Variants in MYO5C observed in about 807,000 individuals in gnomAD.
MYO5C encodes the protein unconventional myosin-Vc.
A neutral mutation model predicts 235.7 loss-of-function variants in MYO5C; 194 were observed. That is an observed-to-expected ratio of 0.82 (90% CI 0.73 to 0.93). The LOEUF is 0.93. Among genes scored for constraint, MYO5C ranks in the 40% least tolerant of loss-of-function variants. The probability of loss-of-function intolerance (pLI) is 0.00; values close to 1 mark genes in which losing one functional copy is unlikely to be tolerated. For synonymous variants in MYO5C, 707 were observed against 754.8 expected (o/e 0.94, Z 1.04); for missense variants, 2,038 against 2,127.2 (o/e 0.96, Z 0.82).
intron 4 of MYO5C, among the ~76,000 whole-genome samples, chr15:52,276,293 G>A (rs866158196): frequency 2.6e-5 from 4 of 152,136 alleles, no homozygotes; most frequent in African/African-American, 7.2e-5. Flanking sequence ...AAAGCAGCAC[G>A]GGGAAAAGGC....
rs760878731 is a variant in MYO5C, at chr15:52,245,445, T to C, written c.2087A>G (p.Tyr696Cys). ...YPSRWTYIEF[Y>C]SRYGILMTKQ... is the part of the protein sequence containing the mutation. Reference sequence around the variant, plus strand: ...GGTCATGAGAATGCCGTAGCGACTGTAGAACTCGATGTATGTCCACCTGGA... The same window carrying C: ...GGTCATGAGAATGCCGTAGCGACTGCAGAACTCGATGTATGTCCACCTGGA... Residue 696 changes from tyrosine to cysteine, a missense_variant, in exon 18 of 41, where the codon TAC (tyrosine) becomes TGC (cysteine). Physicochemically the swap from Tyr to Cys is radical, Grantham distance 194. Coordinates refer to ENST00000261839, the MANE Select transcript of MYO5C (RefSeq NM_018728.4). The C allele has an allele frequency of 3.1e-6, 5 of 1,613,690 alleles. No homozygotes were observed. Among genetic ancestry groups the C allele is most frequent in the African/African-American group, 2.7e-5 (2 of 74,898 alleles).
Position 52,223,658 on chromosome 15 carries a change from G to A in MYO5C, c.3513C>T (p.Phe1171=). 1.2e-6 allele frequency: 2 copies of A among 1,614,144 alleles called. No homozygotes were observed. The highest frequency in any genetic ancestry group is 1.7e-6 in the Non-Finnish European group (2 of 1,180,018). The change falls in exon 29 of 41, where the codon TTC becomes TTT. Residue 1171 remains phenylalanine (F), a synonymous_variant. Transcript: ENST00000261839. ...TTTCTTGACTGAGATGCACCACTTT[G>A]AAGTTCAAAGCTTCAATCTCCTTTT... ...CYEKEIEALN[F]KVVHLSQEIN...
intron 8 of MYO5C, among the ~76,000 whole-genome samples, chr15:52,266,081 C>A (rs1269888676): frequency 6.6e-6 from 1 of 152,200 alleles, no homozygotes; most frequent in Non-Finnish European, 1.5e-5. Flanking sequence ...TTCTGGCACT[C>A]CTCCCTGCTT....
At chr15:52,219,933 C>A in intron 30 of MYO5C, 111 bp from the exon 31 acceptor site, 1 of 733,786 alleles carries the variant, frequency 1.4e-6, no homozygotes, top group Non-Finnish European at 2.3e-6. Context: ...GGTGTCCGAT[C>A]TTTTGGCTTC....
rs139276007 is a variant in MYO5C at position 52,223,853 on chromosome 15, C to T, written c.3447-129G>A. ...TACATCAAGTTTACTTATGCACTCA[C>T]GGTTACAGGCTACAGAATCAGGAAT... On this transcript the variant is annotated intron_variant, in intron 28 of 40. Coordinates refer to ENST00000261839, the MANE Select transcript of MYO5C (RefSeq NM_018728.4). The T allele has an allele frequency of 1.1e-3, 730 of 692,126 alleles. 4 individuals carry two copies. In the African/African-American group the frequency reaches 0.011, roughly 11 times the overall value. The allele number at this position is 692,126 out of a possible 1,614,324, so 42.9% of individuals were successfully genotyped here. A position where few individuals can be genotyped will look rare whatever the true frequency, so the allele number is the denominator to read the frequency against.
At chr15:52,277,787 G>C in intron 4 of MYO5C, 1 of 453,388 alleles carries the variant, frequency 2.2e-6, no homozygotes, top group Non-Finnish European at 4.4e-6. Context: ...GAAGAAGCTC[G>C]GTCTAGCCCC....
intron 37 of MYO5C, 37 bp downstream of exon 37, chr15:52,205,779 A>C (rs1299737420): frequency 1.5e-6 from 2 of 1,318,422 alleles, no homozygotes; most frequent in Non-Finnish European, 2.1e-6. Context: ...TCTTAATGTT[A>C]CTATAAATAT....
chr15:52,223,815 G>A, intron 28 of MYO5C, 91 bp from the exon 29 acceptor site: 1 of 1,166,792 alleles, frequency 8.6e-7, no homozygotes. Context: ...CACAACAAGA[G>A]CCGTGCACGA....
At chr15:52,205,171 G>A (rs772155293) in intron 37 of MYO5C, 24 bp from the exon 38 acceptor site, 16 of 1,608,336 alleles carry the variant, frequency 9.9e-6, no homozygotes, top group Non-Finnish European at 9.3e-6. Context: ...GGGAGGCTGT[G>A]CTGACACGCC....
intron 35 of MYO5C, among the ~76,000 whole-genome samples, chr15:52,209,745 T>TTTATG (rs2035402847): frequency 6.6e-6 from 1 of 152,126 alleles, no homozygotes; most frequent in Non-Finnish European, 1.5e-5. Flanking sequence ...AGGGAAAACA[T>TTTATG]CAATTTATGG....
chr15:52,279,236 A>G (rs2037114627), intron 3 of MYO5C, among the ~76,000 whole-genome samples: 1 of 152,122 alleles, frequency 6.6e-6, no homozygotes, highest in Non-Finnish European at 1.5e-5. Context: ...TCGCAAATGG[A>G]GAGGTTTTTG....
Position 52,239,867 on chromosome 15 carries a change from G to A in MYO5C, c.2569C>T (p.His857Tyr). 6.2e-7 allele frequency: 1 copy of A among 1,609,648 alleles called. No individual in the cohort carries two copies. Among genetic ancestry groups the A allele is most frequent in the Admixed American group, 1.7e-5 (1 of 59,154 alleles). ...RRRYRKMLEE[H>Y]KAVILQKYAR... ...TATTTCTGTAGGATCACAGCCTTAT[G>A]TTCCTCCAGCATCTTTAAAACAAGA... is the stretch of plus-strand genomic sequence containing the variant. The change falls in exon 21 of 41, where the codon CAT becomes TAT. Residue 857 changes from histidine to tyrosine, a missense_variant. Physicochemically the swap from His to Tyr is moderately conservative, Grantham distance 83 (BLOSUM62 2). Transcript: ENST00000261839.
rs146543536 is a variant in MYO5C at position 52,241,837 on chromosome 15, C to T, written c.2556+211G>A. ...CATAGCTCACTGCAGCCTCGAACTC[C>T]TGGGCTCAAGGAACCCTCCCATTTC... On this transcript the variant is annotated intron_variant, in intron 20 of 40. Coordinates refer to ENST00000261839, the MANE Select transcript of MYO5C (RefSeq NM_018728.4). Among the ~76,000 whole-genome samples, 912 of 152,226 alleles carry T rather than the reference C, an allele frequency of 6.0e-3. 13 individuals are homozygous for T. Among genetic ancestry groups the T allele is most frequent in the African/African-American group, 0.021 (880 of 41,532 alleles).
chr15:52,281,206 G>A (rs2037156024), intron 2 of MYO5C, among the ~76,000 whole-genome samples: 1 of 152,166 alleles, frequency 6.6e-6, no homozygotes, highest in South Asian at 2.1e-4. Context: ...GACAGTCTTT[G>A]GGGGAGGGGA....
Position 52,232,229 on chromosome 15 carries a change from AGAAGAAAGAAAGAAGGAAGGAGAGAAG to A in MYO5C, c.3026+366_3026+392del, listed in dbSNP as rs1308368567. On this transcript the variant is annotated intron_variant, in intron 24 of 40. Coordinates refer to ENST00000261839, the MANE Select transcript of MYO5C (RefSeq NM_018728.4). ...AAGGAAAAGAAAGAAAATGAAAGAA[AGAAGAAAGAAAGAAGGAAGGAGAGAAG>A]GAAGGAAGGAGAGAAGGAAGGAAGG... 9.2e-5 allele frequency among the ~76,000 whole-genome samples: 3 copies of A among 32,618 alleles called. 1 individual carries two copies. The highest frequency in any genetic ancestry group is 2.3e-4 in the Non-Finnish European group (2 of 8,528). 21.4% of individuals were successfully genotyped at this position (32,618 alleles called of 152,430 possible). A position where few individuals can be genotyped will look rare whatever the true frequency, so the allele number is the denominator to read the frequency against.
At position 52,259,907 on chromosome 15, in the gene MYO5C, C is replaced by A. The variant is rs74871710; in HGVS notation, c.1313+955G>T. On this transcript the variant is annotated intron_variant, in intron 10 of 40. Coordinates refer to ENST00000261839, the MANE Select transcript of MYO5C (RefSeq NM_018728.4). ...GGCCAGAGCTCAGCTCTCCCCTTTGCATGGGGAATGGGGTTGAGCTGCTTT... is the reference window on the plus strand; with the variant it reads ...GGCCAGAGCTCAGCTCTCCCCTTTGAATGGGGAATGGGGTTGAGCTGCTTT... Among the ~76,000 whole-genome samples, 1,163 of 152,370 alleles carry A rather than the reference C, an allele frequency of 7.6e-3. 13 individuals carry two copies. Among genetic ancestry groups the A allele is most frequent in the African/African-American group, 0.026 (1,102 of 41,586 alleles).
chr15:52,274,219 G>C (rs981318123), intron 5 of MYO5C, among the ~76,000 whole-genome samples: 3 of 152,118 alleles, frequency 2.0e-5, no homozygotes, highest in Non-Finnish European at 4.4e-5. Context: ...TCTAGTAGAG[G>C]AGACAAACCC....
Position 52,223,724 on chromosome 15 carries a change from A to T in MYO5C, c.3447T>A (p.Arg1149=). The change falls in exon 29 of 41, where the codon CGT becomes CGA. Residue 1149 remains arginine (R), a splice_region_variant and synonymous_variant. Transcript: ENST00000261839. ...GAGACTGGAAATGGCTCTCCAAAAC[A>T]CTATTAAAGGAGGGGTCAAGAAATA... is the stretch of plus-strand genomic sequence containing the variant. ...FAYEGLKKAT[R]VLESHFQSQK... The T allele has an allele frequency of 1.9e-6, 3 of 1,612,842 alleles. No homozygotes were observed. The highest frequency in any genetic ancestry group is 2.5e-6 in the Non-Finnish European group (3 of 1,179,450).
intron 8 of MYO5C, among the ~76,000 whole-genome samples, chr15:52,269,386 ATTTTTT>A (rs71130145): frequency 1.7e-4 from 18 of 103,992 alleles, no homozygotes; most frequent in East Asian, 5.7e-4. Context: ...CCACCTTTTA[ATTTTTT>A]TTTTTTTTTT....
Sources: allele counts gnomAD v4.1 joint callset (sites outside exome capture counted in the v4.1 genomes callset), GRCh38; gene constraint gnomAD v4.1.1; transcripts MANE v1.5; gene names NCBI Gene and HGNC (gene_info 2026-07-23, HGNC 2026-07-21).